GLG1: variants seen among roughly 807,000 people sequenced by gnomAD.
GLG1 encodes golgi glycoprotein 1, also known as Golgi apparatus protein 1.
In GLG1, 38 loss-of-function variants were observed where a neutral mutation model predicts 160.5. The ratio of observed to expected loss-of-function variants is 0.24; its 90% confidence interval spans 0.18 to 0.31. The LOEUF is 0.31. GLG1 is among the 10% of genes least tolerant of loss of function. GLG1 has a pLI of 1.00. For missense variants in GLG1, 1,373 were observed against 1,505.2 expected, an observed-to-expected ratio of 0.91 and a Z score of 1.45; for synonymous variants, 644 against 543.4, an observed-to-expected ratio of 1.19 and a Z score of -2.57.
At chr16:74,572,442 C>T (rs1473176724) in intron 1 of GLG1, among the ~76,000 whole-genome samples, 1 of 146,748 alleles carries the variant, frequency 6.8e-6, no homozygotes, top group African/African-American at 2.5e-5. Context: ...ACTTGGGAGG[C>T]GGAGGTTGCA....
intron 1 of GLG1, among the ~76,000 whole-genome samples, chr16:74,601,697 G>C (rs1192984226): frequency 6.6e-6 from 1 of 152,146 alleles, no homozygotes; most frequent in African/African-American, 2.4e-5. Context: ...AATTAAATTA[G>C]CGTTGGGTGA....
intron 1 of GLG1, among the ~76,000 whole-genome samples, chr16:74,593,341 G>A (rs1205002311): frequency 6.6e-6 from 1 of 151,798 alleles, no homozygotes; most frequent in African/African-American, 2.4e-5. Context: ...GAGCTGATAT[G>A]GCCAGTGCAA....
chr16:74,597,375 G>C (rs1395887572), intron 1 of GLG1, among the ~76,000 whole-genome samples: 1 of 148,550 alleles, frequency 6.7e-6, no homozygotes, highest in Non-Finnish European at 1.5e-5. Flanking sequence ...AGGTTGCAGT[G>C]AGCTGACATC....
At position 74,468,030 on chromosome 16, in the gene GLG1, T is replaced by G. The variant is rs568656831; in HGVS notation, c.2437-182A>C. The G allele has an allele frequency of 9.5e-5, 51 of 537,536 alleles. No individual in the cohort carries two copies. In the South Asian group the frequency reaches 1.2e-3, roughly 13 times the overall value. 33.3% of individuals were successfully genotyped at this position (537,536 alleles called of 1,614,324 possible). ...TCTGTCACCAAATAGCTGCATGGCC[T>G]TGGACCTTCTTTGCAAAACACAATG... is the stretch of plus-strand genomic sequence containing the variant. On this transcript the variant is annotated intron_variant, in intron 17 of 25. Transcript: ENST00000422840.
Position 74,606,579 on chromosome 16 carries a change from G to A in GLG1, c.438+78C>T, listed in dbSNP as rs114066275. 4.8e-4 allele frequency: 609 copies of A among 1,259,770 alleles called. 2 individuals are homozygous for A. The African/African-American group carries it at 8.3e-3, about 17-fold the overall frequency. The allele number at this position is 1,259,770 out of a possible 1,614,324, so 78.0% of individuals were successfully genotyped here. ...GAAGCAAGGAAAGCAGCCGACCGGC[G>A]TCAGCGGCTTCCAAGGCCGGCAACA... is the stretch of plus-strand genomic sequence containing the variant. On this transcript the variant is annotated intron_variant, in intron 1 of 25. Transcript: ENST00000422840.
intron 11 of GLG1, among the ~76,000 whole-genome samples, chr16:74,478,479 C>T (rs2015472882): frequency 6.6e-6 from 1 of 152,074 alleles, no homozygotes; most frequent in Admixed American, 6.6e-5. Flanking sequence ...AGCCAGCATA[C>T]CTGGGGCAGG....
chr16:74,469,161 T>C (rs755034135), intron 16 of GLG1, 98 bp from the exon 17 acceptor site: 12 of 776,704 alleles, frequency 1.5e-5, no homozygotes, highest in East Asian at 2.5e-5. Flanking sequence ...GAATTCAAGA[T>C]GCCCTTTGGG....
chr16:74,532,330 G>A (rs1159238169), intron 1 of GLG1, among the ~76,000 whole-genome samples, 177 bp from the exon 2 acceptor site: 1 of 151,720 alleles, frequency 6.6e-6, no homozygotes, highest in Non-Finnish European at 1.5e-5. Context: ...TATCTTTTAG[G>A]CTGTTGGGGA....
chr16:74,538,253 T>C (rs2143636944), intron 1 of GLG1, among the ~76,000 whole-genome samples: 1 of 150,712 alleles, frequency 6.6e-6, no homozygotes, highest in East Asian at 2.0e-4. Context: ...CGCGATAACC[T>C]AATGCCTCCT....
intron 1 of GLG1, among the ~76,000 whole-genome samples, chr16:74,564,179 A>C (rs901371554): frequency 3.3e-5 from 5 of 152,140 alleles, no homozygotes; most frequent in Admixed American, 1.3e-4. Flanking sequence ...TCGGCCTTCC[A>C]AAATGCTGGG....
rs766363917 is a variant in GLG1 at position 74,503,643 on chromosome 16, G to C, written c.662C>G (p.Thr221Ser). Residue 221 changes from threonine (T) to serine (S), a missense_variant, in exon 4 of 26, where the codon ACC becomes AGC. Physicochemically the swap from Thr to Ser is moderately conservative, Grantham distance 58. Coordinates refer to ENST00000422840, the MANE Select transcript of GLG1 (RefSeq NM_001145667.2). ...ITEYQCHQYI[T>S]KMTAIIFSDY... ...ACTAAAAATGATGGCCGTCATCTTG[G>C]TAATGTACTGGTGACACTGATACTC... The C allele has an allele frequency of 3.1e-6, 5 of 1,611,900 alleles. No homozygotes were observed. Among genetic ancestry groups the C allele is most frequent in the Non-Finnish European group, 3.4e-6 (4 of 1,178,112 alleles).
intron 2 of GLG1, among the ~76,000 whole-genome samples, chr16:74,512,291 T>A (rs2868041): frequency 0.019 from 2,617 of 137,180 alleles, 99 homozygotes; most frequent in East Asian, 0.19. Context: ...AAAAAAAAAA[T>A]TTTTGCCCAG....
At chr16:74,504,567 C>T (rs2016528498) in intron 3 of GLG1, among the ~76,000 whole-genome samples, 3 of 152,164 alleles carry the variant, frequency 2.0e-5, no homozygotes, top group South Asian at 2.1e-4. Flanking sequence ...GGATTATAAG[C>T]GTGAGCCACC....
At chr16:74,493,358 T>C (rs746461305) in intron 6 of GLG1, among the ~76,000 whole-genome samples, 1 of 152,208 alleles carries the variant, frequency 6.6e-6, no homozygotes, top group Non-Finnish European at 1.5e-5. Flanking sequence ...AGAAATTCTG[T>C]AGTCACTTGC....
chr16:74,479,579 C>A (rs1477874869), intron 11 of GLG1, among the ~76,000 whole-genome samples: 1 of 152,114 alleles, frequency 6.6e-6, no homozygotes, highest in African/African-American at 2.4e-5. Flanking sequence ...CAGGCTTTTG[C>A]ATTAAGCTCA....
At position 74,452,238 on chromosome 16, in the gene GLG1, T is replaced by C. The variant is rs964106083; in HGVS notation, c.*929A>G. The C allele has an allele frequency of 2.0e-6, 3 of 1,531,304 alleles. No homozygotes were observed. The highest frequency in any genetic ancestry group is 2.0e-5 in the Admixed American group (1 of 50,500). The allele number at this position is 1,531,304 out of a possible 1,614,324, so 94.9% of individuals were successfully genotyped here. ...CTCCCGCCACAGTCCTGCCTCCTGATGAAGCGCAGAGCTTCCAGAGTGACT... is the reference window on the plus strand; with the variant it reads ...CTCCCGCCACAGTCCTGCCTCCTGACGAAGCGCAGAGCTTCCAGAGTGACT... On this transcript the variant is annotated 3_prime_UTR_variant, in exon 26 of 26. Transcript: ENST00000422840.
chr16:74,587,089 C>T (rs937576635), intron 1 of GLG1, among the ~76,000 whole-genome samples: 5 of 152,192 alleles, frequency 3.3e-5, no homozygotes, highest in African/African-American at 1.2e-4. Context: ...TCTACTTCCA[C>T]TCATGAGGAT....
chr16:74,453,450 G>A, intron 25 of GLG1, 116 bp from the exon 26 acceptor site: 2 of 647,278 alleles, frequency 3.1e-6, no homozygotes, highest in South Asian at 2.0e-5. Flanking sequence ...TTTTGGAGAG[G>A]GAGGGCAGGA....
intron 11 of GLG1, among the ~76,000 whole-genome samples, chr16:74,479,448 A>AG (rs2015520795): frequency 7.8e-6 from 1 of 128,050 alleles, no homozygotes; most frequent in Non-Finnish European, 1.8e-5. Context: ...TATGGAGAGA[A>AG]AAAAAAAAAA....
Sources: gnomAD v4.1 joint callset for allele counts (sites outside exome capture counted in the v4.1 genomes callset) on GRCh38, gnomAD v4.1.1 for gene constraint, MANE v1.5 for transcripts, NCBI Gene and HGNC (gene_info 2026-07-23, HGNC 2026-07-21) for gene names.